KCND3: variants seen among roughly 807,000 people sequenced by gnomAD.
KCND3 encodes the protein potassium voltage-gated channel subfamily D member 3.
KCND3 carries 9 observed loss-of-function variants against 51.1 expected under a neutral mutation model. The ratio of observed to expected loss-of-function variants is 0.18; its 90% CI spans 0.11 to 0.31. The LOEUF (loss-of-function observed/expected upper bound fraction) is 0.31. KCND3 is among the 10% of genes least tolerant of loss of function. The pLI is 1.00. For missense variants in KCND3, 526 were observed against 903.8 expected (o/e 0.58, Z 5.36); for synonymous variants, 349 against 368.0 (o/e 0.95, Z 0.59).
intron 2 of KCND3, among the ~76,000 whole-genome samples, chr1:111,933,579 A>G (rs1672078122): frequency 6.6e-6 from 1 of 152,156 alleles, no homozygotes; most frequent in Admixed American, 6.5e-5. Flanking sequence ...AGGGGCCTCT[A>G]AAGGGGCTCT....
intron 2 of KCND3, among the ~76,000 whole-genome samples, chr1:111,837,707 T>C (rs1278585301): frequency 6.6e-6 from 1 of 152,140 alleles, no homozygotes; most frequent in Non-Finnish European, 1.5e-5. Flanking sequence ...GCACCGTGGA[T>C]TGAGACTGTG....
At chr1:111,971,866 C>A (rs934422299) in intron 2 of KCND3, among the ~76,000 whole-genome samples, 1 of 152,172 alleles carries the variant, frequency 6.6e-6, no homozygotes, top group Non-Finnish European at 1.5e-5. Context: ...ACTTCTCTTC[C>A]GGGGTGTCAT....
intron 5 of KCND3, 94 bp from the exon 6 acceptor site, chr1:111,778,586 G>A (rs987655203): frequency 3.0e-5 from 36 of 1,181,508 alleles, no homozygotes; most frequent in East Asian, 2.1e-4. Flanking sequence ...TCTTGATCCC[G>A]GCATTCCACC....
intron 2 of KCND3, among the ~76,000 whole-genome samples, chr1:111,844,839 G>C (rs1667477767): frequency 6.6e-6 from 1 of 152,036 alleles, no homozygotes; most frequent in South Asian, 2.1e-4. Flanking sequence ...CAGCATCTTG[G>C]TCCCTTCTGC....
Position 111,776,091 on chromosome 1 carries a change from C to A in KCND3, c.1954G>T (p.Val652Phe). ...IPSIASNVVKVSAL is the reference protein window; with the variant it reads ...IPSIASNVVKFSAL ...GTCCAGTGGTTTTACAAGGCGGAGACCTTGACAACATTGCTGGCTATGGAA... is the reference window on the plus strand; with the variant it reads ...GTCCAGTGGTTTTACAAGGCGGAGAACTTGACAACATTGCTGGCTATGGAA... The change falls in exon 8 of 8, where the codon GTC becomes TTC. Residue 652 changes from valine (V) to phenylalanine (F), a missense_variant. Physicochemically the swap from Val to Phe is conservative, Grantham distance 50 (BLOSUM62 -1). Transcript: ENST00000302127. 6.2e-7 allele frequency: 1 copy of A among 1,614,176 alleles called. No homozygotes were observed. The highest frequency in any genetic ancestry group is 1.1e-5 in the South Asian group (1 of 91,084).
intron 2 of KCND3, among the ~76,000 whole-genome samples, chr1:111,952,879 C>T (rs1003491048): frequency 6.6e-6 from 1 of 152,240 alleles, no homozygotes; most frequent in South Asian, 2.1e-4. Flanking sequence ...CTCAGCTCTT[C>T]CTCTTGCAGA....
chr1:111,952,663 C>T (rs1673119258), intron 2 of KCND3, among the ~76,000 whole-genome samples: 1 of 152,200 alleles, frequency 6.6e-6, no homozygotes, highest in African/African-American at 2.4e-5. Context: ...AGGAAGCTCA[C>T]TCCTTCCCAG....
intron 2 of KCND3, among the ~76,000 whole-genome samples, chr1:111,872,166 G>T (rs1668853658): frequency 6.6e-6 from 1 of 152,138 alleles, no homozygotes; most frequent in African/African-American, 2.4e-5. Context: ...CTTTAAGGTG[G>T]GCACTATTAT....
intron 2 of KCND3, among the ~76,000 whole-genome samples, chr1:111,895,253 G>A (rs986685592): frequency 2.6e-5 from 4 of 151,890 alleles, no homozygotes; most frequent in African/African-American, 4.8e-5. Context: ...CCTCAGCTGT[G>A]GGACCAGGCT....
chr1:111,985,657 T>G (rs1675234736), intron 1 of KCND3, among the ~76,000 whole-genome samples: 1 of 152,228 alleles, frequency 6.6e-6, no homozygotes, highest in Admixed American at 6.5e-5. Flanking sequence ...GAGTAAAATC[T>G]GAAGACAGAT....
At chr1:111,977,321 T>C (rs542339864) in intron 2 of KCND3, among the ~76,000 whole-genome samples, 7 of 152,354 alleles carry the variant, frequency 4.6e-5, no homozygotes, top group Middle Eastern at 3.4e-3. Flanking sequence ...GTGGTGTGCC[T>C]GTATTGATCT....
At chr1:111,782,193 T>C (rs1209455394) in intron 3 of KCND3, among the ~76,000 whole-genome samples, 1 of 152,158 alleles carries the variant, frequency 6.6e-6, no homozygotes. Context: ...GTTCATCTGC[T>C]AAAAGGAGGC....
At chr1:111,987,958 G>A (rs1675381101) in intron 1 of KCND3, among the ~76,000 whole-genome samples, 2 of 152,154 alleles carry the variant, frequency 1.3e-5, no homozygotes, top group South Asian at 4.1e-4. Context: ...TAAAAAGTCA[G>A]TTACTCCATT....
rs769113316 is a variant in KCND3, at chr1:111,981,573, G to A, written c.1106+48C>T. Reference sequence around the variant, plus strand: ...CATCCAAGGTTTCAGAGGTCATCCAGCTGCCCTCCAACCTCCGTCCTGGTT... The same window carrying A: ...CATCCAAGGTTTCAGAGGTCATCCAACTGCCCTCCAACCTCCGTCCTGGTT... On this transcript the variant is annotated intron_variant, in intron 2 of 7. Coordinates refer to ENST00000302127, the MANE Select transcript of KCND3 (RefSeq NM_001378969.1). This position sits in a 1 kb window ranked among gnomAD's most constrained non-coding sequence, Gnocchi z 6.2. 2 of 1,613,308 alleles carry A rather than the reference G, an allele frequency of 1.2e-6. No homozygotes were observed. Among genetic ancestry groups the A allele is most frequent in the Non-Finnish European group, 1.7e-6 (2 of 1,179,624 alleles).
rs145219112 is a variant in KCND3 at position 111,961,024 on chromosome 1, G to A, written c.1106+20597C>T. ...AGAGGGCCTAGATAGGGGTAGCCTC[G>A]ACTCTGTGCTCTTGTCCCGGAGAAG... On this transcript the variant is annotated intron_variant, in intron 2 of 7. Transcript: ENST00000302127. 3.9e-3 allele frequency among the ~76,000 whole-genome samples: 589 copies of A among 152,294 alleles called. 5 individuals are homozygous for A. The highest frequency in any genetic ancestry group is 0.013 in the African/African-American group (547 of 41,568).
At chr1:111,921,858 A>G (rs1671489436) in intron 2 of KCND3, among the ~76,000 whole-genome samples, 1 of 152,114 alleles carries the variant, frequency 6.6e-6, no homozygotes, top group African/African-American at 2.4e-5. Context: ...CTTTTCTAAA[A>G]CTGTTAGGAA....
chr1:111,853,893 G>T (rs1667937661), intron 2 of KCND3: 1 of 152,230 alleles, frequency 6.6e-6, no homozygotes, highest in African/African-American at 2.4e-5. Flanking sequence ...ACAGTGCTTG[G>T]CATTTGGTAC....
intron 2 of KCND3, among the ~76,000 whole-genome samples, chr1:111,832,739 A>G (rs999782769): frequency 6.6e-6 from 1 of 152,238 alleles, no homozygotes; most frequent in Non-Finnish European, 1.5e-5. Flanking sequence ...GCCGAAGATA[A>G]CGAGGCTGAA....
intron 2 of KCND3, among the ~76,000 whole-genome samples, chr1:111,817,718 G>A (rs1441650009): frequency 6.6e-6 from 1 of 152,152 alleles, no homozygotes. Flanking sequence ...TATGGAAAAA[G>A]TTGGGAGCAG....
Sources: gnomAD v4.1 joint callset for allele counts (sites outside exome capture counted in the v4.1 genomes callset) on GRCh38, gnomAD v4.1.1 for gene constraint, Gnocchi (gnomAD v3.1) non-coding constraint, MANE v1.5 for transcripts, NCBI Gene and HGNC (gene_info 2026-07-23, HGNC 2026-07-21) for gene names.